MAPK9: variants seen among roughly 807,000 people sequenced by gnomAD.
The protein encoded by MAPK9 is mitogen-activated protein kinase 9.
Under a neutral mutation model 57.1 loss-of-function variants are expected in MAPK9, and 30 were observed. That is an observed-to-expected ratio of 0.53 (90% CI 0.39 to 0.71). The LOEUF is 0.71. MAPK9 is among the 30% of genes least tolerant of loss of function. The probability of loss-of-function intolerance (pLI) is 0.00; values close to 1 mark genes in which losing one functional copy is unlikely to be tolerated. For synonymous variants in MAPK9, 155 were observed against 177.0 expected (o/e 0.88, Z 0.99); for missense variants, 362 against 521.0 (o/e 0.69, Z 2.97).
At chr5:180,248,082 T>C (rs577096531) in intron 6 of MAPK9, among the ~76,000 whole-genome samples, 24 of 152,346 alleles carry the variant, frequency 1.6e-4, no homozygotes, top group Non-Finnish European at 3.5e-4. Flanking sequence ...TTTTCTAGAC[T>C]GCCCCGTCAG....
chr5:180,253,272 C>A (rs1290863309), intron 5 of MAPK9, among the ~76,000 whole-genome samples: 2 of 152,236 alleles, frequency 1.3e-5, no homozygotes, highest in African/African-American at 2.4e-5. Context: ...GGCTGCTCCC[C>A]CTTCCTTCTC....
At chr5:180,277,718 A>T (rs1761948768) in intron 2 of MAPK9, among the ~76,000 whole-genome samples, 1 of 152,238 alleles carries the variant, frequency 6.6e-6, no homozygotes, top group African/African-American at 2.4e-5. Context: ...AATACGAAAT[A>T]TGATAGAAAA....
intron 1 of MAPK9, among the ~76,000 whole-genome samples, chr5:180,289,253 CCT>C (rs1581340548): frequency 6.6e-6 from 1 of 152,058 alleles, no homozygotes; most frequent in African/African-American, 2.4e-5. Context: ...TCAAGTATCC[CCT>C]CTGTTGTTTA....
chr5:180,289,618 G>T (rs886830765), intron 1 of MAPK9, among the ~76,000 whole-genome samples: 1 of 151,978 alleles, frequency 6.6e-6, no homozygotes, highest in African/African-American at 2.4e-5. Context: ...GTTTCCACAG[G>T]GCTCCAGTTA....
chr5:180,249,860 A>G (rs1247673634), intron 5 of MAPK9, among the ~76,000 whole-genome samples: 1 of 152,192 alleles, frequency 6.6e-6, no homozygotes, highest in African/African-American at 2.4e-5. Context: ...GAAGTCCAGT[A>G]TGTATTTTAC....
At chr5:180,244,780 A>G (rs74879734) in intron 7 of MAPK9, among the ~76,000 whole-genome samples, 9 of 7,784 alleles carry the variant, frequency 1.2e-3, no homozygotes, top group African/African-American at 3.7e-3. Flanking sequence ...TCTCAAAGGA[A>G]AAAAAAAAAA....
intron 5 of MAPK9, among the ~76,000 whole-genome samples, chr5:180,260,616 A>T (rs1759841152): frequency 6.6e-6 from 1 of 152,238 alleles, no homozygotes; most frequent in Non-Finnish European, 1.5e-5. Context: ...CATGAATCCA[A>T]TAGGTAGTGT....
rs146769949 is a variant in MAPK9 at position 180,251,984 on chromosome 5, A to C, written c.451-2846T>G. Among the ~76,000 whole-genome samples the C allele has an allele frequency of 6.5e-3, 987 of 152,278 alleles. 6 individuals are homozygous for C. Among genetic ancestry groups the C allele is most frequent in the Non-Finnish European group, 8.3e-3 (565 of 68,014 alleles). On this transcript the variant is annotated intron_variant, in intron 5 of 11. Transcript: ENST00000452135. ...GGTACCTGTGGCCACCCACCGGGTAAGAACAGCCAGGCACTCTTGAGGATG... is the reference window on the plus strand; with the variant it reads ...GGTACCTGTGGCCACCCACCGGGTACGAACAGCCAGGCACTCTTGAGGATG...
chr5:180,242,750 C>A lies in MAPK9; in HGVS notation c.694G>T (p.Asp232Tyr). 6.2e-7 allele frequency: 1 copy of A among 1,611,882 alleles called. No homozygotes were observed. Residue 232 changes from aspartate to tyrosine, a missense_variant, in exon 8 of 12, where the codon GAT becomes TAT. Physicochemically the swap from Asp to Tyr is radical, Grantham distance 160. Coordinates refer to ENST00000452135, the MANE Select transcript of MAPK9 (RefSeq NM_002752.5). ...CVIFQGTDHI[D>Y]QWNKVIEQLG... ...TGCTCAATAACTTTATTCCACTGAT[C>A]AATATCTAAGGAGTTTCTTGAGGAA...
intron 6 of MAPK9, among the ~76,000 whole-genome samples, chr5:180,248,455 G>C (rs1332521611): frequency 6.6e-6 from 1 of 152,228 alleles, no homozygotes; most frequent in East Asian, 1.9e-4. Context: ...TAAAAGCCAA[G>C]TTTCAAAGAG....
At chr5:180,264,124 C>A (rs1450221042) in intron 4 of MAPK9, among the ~76,000 whole-genome samples, 3 of 152,126 alleles carry the variant, frequency 2.0e-5, no homozygotes, top group Non-Finnish European at 2.9e-5. Flanking sequence ...ACTTTTGATC[C>A]CCTGACCCAG....
chr5:180,258,699 TGA>T (rs1228993844), intron 5 of MAPK9, among the ~76,000 whole-genome samples: 1 of 151,936 alleles, frequency 6.6e-6, no homozygotes, highest in African/African-American at 2.4e-5. Flanking sequence ...TCCAAACACA[TGA>T]GAGAACTCAT....
At chr5:180,267,739 C>T (rs763154713) in intron 3 of MAPK9, among the ~76,000 whole-genome samples, 24 of 152,210 alleles carry the variant, frequency 1.6e-4, no homozygotes, top group South Asian at 2.1e-4. Context: ...GTGGCGCACG[C>T]CTATGGTCCC....
At chr5:180,263,728 CAG>C (rs1383489200) in intron 4 of MAPK9, among the ~76,000 whole-genome samples, 2 of 116,398 alleles carry the variant, frequency 1.7e-5, no homozygotes, top group Admixed American at 2.0e-4. Context: ...TTTTTTGAGA[CAG>C]AGTCTTGCTC....
chr5:180,273,983 C>CT (rs34508346), intron 2 of MAPK9, among the ~76,000 whole-genome samples: 24,489 of 152,084 alleles, frequency 0.16, 2,047 homozygotes, highest in East Asian at 0.23. Flanking sequence ...TTGTTCATTT[C>CT]TTTGTTTTTT....
chr5:180,271,081 G>C (rs968736431), intron 2 of MAPK9, among the ~76,000 whole-genome samples: 3 of 152,030 alleles, frequency 2.0e-5, no homozygotes, highest in Admixed American at 6.6e-5. Flanking sequence ...AAGTATGTGA[G>C]GTAATGCATA....
chr5:180,268,253 TGC>T (rs1441352561), intron 3 of MAPK9, among the ~76,000 whole-genome samples: 4 of 152,254 alleles, frequency 2.6e-5, no homozygotes, highest in African/African-American at 9.6e-5. Flanking sequence ...TAAAATTTAG[TGC>T]TTTGATTTCT....
chr5:180,234,528 C>T lies in MAPK9; in HGVS notation c.*1856G>A, dbSNP rs1127580. ...TGCCTCGTCCCCCGTCCACGTCTCCCGGGGAGGGAGCATCACACAGTGCAG... is the reference window on the plus strand; with the variant it reads ...TGCCTCGTCCCCCGTCCACGTCTCCTGGGGAGGGAGCATCACACAGTGCAG... On this transcript the variant is annotated 3_prime_UTR_variant, in exon 12 of 12. Transcript: ENST00000452135. 42,417 of 152,150 alleles carry T rather than the reference C, an allele frequency of 0.28. 6,207 individuals are homozygous for T. The highest frequency in any genetic ancestry group is 0.36 in the African/African-American group (15,102 of 41,478). 9.4% of individuals were successfully genotyped at this position (152,150 alleles called of 1,614,324 possible).
chr5:180,271,709 G>C (rs906073513), intron 2 of MAPK9, among the ~76,000 whole-genome samples: 1 of 152,148 alleles, frequency 6.6e-6, no homozygotes, highest in Admixed American at 6.5e-5. Flanking sequence ...CTAACGGCCA[G>C]AGTTGGGATT....
Sources: gnomAD v4.1 joint callset for allele counts (sites outside exome capture counted in the v4.1 genomes callset) on GRCh38, gnomAD v4.1.1 for gene constraint, MANE v1.5 for transcripts, NCBI Gene and HGNC (gene_info 2026-07-23, HGNC 2026-07-21) for gene names.